Variants in PTPRT observed in about 807,000 individuals in gnomAD.
PTPRT encodes protein tyrosine phosphatase receptor type T, also known as receptor-type tyrosine-protein phosphatase T.
PTPRT carries 56 observed loss-of-function variants against 176.8 expected under a neutral mutation model. That is an observed-to-expected ratio of 0.32 (90% confidence interval 0.26 to 0.40). The LOEUF (loss-of-function observed/expected upper bound fraction) is 0.40. Among genes scored for constraint, PTPRT ranks in the 10% least tolerant of loss-of-function variants. The pLI, the probability that PTPRT is intolerant of heterozygous loss-of-function variation, is 1.00. For missense variants in PTPRT, 1,540 were observed against 1,908.2 expected, an observed-to-expected ratio of 0.81 and a Z score of 3.60; for synonymous variants, 783 against 739.0, an observed-to-expected ratio of 1.06 and a Z score of -0.96.
chr20:42,431,421 A>G (rs1387670419), intron 9 of PTPRT, among the ~76,000 whole-genome samples: 1 of 152,230 alleles, frequency 6.6e-6, no homozygotes, highest in African/African-American at 2.4e-5. Flanking sequence ...ATGGACAATT[A>G]TGCCATCATT....
At chr20:42,322,788 A>C (rs1329591271) in intron 11 of PTPRT, among the ~76,000 whole-genome samples, 1 of 152,130 alleles carries the variant, frequency 6.6e-6, no homozygotes, top group African/African-American at 2.4e-5. Flanking sequence ...GAGCTTCTGC[A>C]CAGCAAAAGA....
chr20:42,061,770 C>T, the PTPRT span, among the ~76,000 whole-genome samples: 1 of 152,206 alleles, frequency 6.6e-6, no homozygotes, highest in Non-Finnish European at 1.5e-5. Flanking sequence ...AAATCTCACC[C>T]TGGGATGCTT....
At chr20:42,633,748 T>G (rs2074464426) in intron 7 of PTPRT, among the ~76,000 whole-genome samples, 1 of 120,206 alleles carries the variant, frequency 8.3e-6, no homozygotes, top group Non-Finnish European at 1.6e-5. Flanking sequence ...ATTACACCAC[T>G]GCCCTCCAGC....
chr20:42,829,529 A>G (rs1357376346), intron 2 of PTPRT, among the ~76,000 whole-genome samples: 2 of 152,172 alleles, frequency 1.3e-5, no homozygotes, highest in Admixed American at 1.3e-4. Flanking sequence ...GGAGTTCAAA[A>G]CCAGCCTGAC....
intron 17 of PTPRT, among the ~76,000 whole-genome samples, chr20:42,143,125 C>T (rs1400349822): frequency 1.3e-5 from 2 of 152,048 alleles, no homozygotes; most frequent in Admixed American, 1.3e-4. Flanking sequence ...GGGCATTATT[C>T]TAAGTGTGAT....
At chr20:42,785,852 C>CCCTTCCTT (rs1334394471) in intron 3 of PTPRT, among the ~76,000 whole-genome samples, 1 of 152,172 alleles carries the variant, frequency 6.6e-6, no homozygotes, top group East Asian at 1.9e-4. Context: ...CTCCCTTCCT[C>CCCTTCCTT]CCTTCCTTCC....
At chr20:42,149,551 G>T (rs1989030547) in intron 17 of PTPRT, among the ~76,000 whole-genome samples, 1 of 151,908 alleles carries the variant, frequency 6.6e-6, no homozygotes. Context: ...AGCCTCCTGA[G>T]TAGCTGGGAT....
intron 1 of PTPRT, among the ~76,000 whole-genome samples, chr20:43,083,351 T>TATATATACAC (rs2011510773): frequency 6.1e-5 from 7 of 114,318 alleles, no homozygotes; most frequent in Non-Finnish European, 1.1e-4. Flanking sequence ...TATATATATA[T>TATATATACAC]ATATATATAT....
rs546809829 is a variant in PTPRT at position 42,492,895 on chromosome 20, A to G, written c.1154-20333T>C. On this transcript the variant is annotated intron_variant, in intron 7 of 30. Coordinates refer to ENST00000373187, the MANE Select transcript of PTPRT (RefSeq NM_007050.6). ...GAGTTCTATATATTAAAATTATTTA[A>G]CACTAATTTGTCAATATGTTAATAA... Among the ~76,000 whole-genome samples the G allele has an allele frequency of 3.5e-3, 529 of 152,258 alleles. 1 individual carries two copies. Among genetic ancestry groups the G allele is most frequent in the South Asian group, 8.1e-3 (39 of 4,808 alleles).
At chr20:42,929,347 A>G (rs1979685104) in intron 1 of PTPRT, among the ~76,000 whole-genome samples, 1 of 152,266 alleles carries the variant, frequency 6.6e-6, no homozygotes, top group Non-Finnish European at 1.5e-5. Flanking sequence ...TGTTTACAAT[A>G]AAATGTTAAG....
chr20:42,495,155 T>C (rs949933097), intron 7 of PTPRT, among the ~76,000 whole-genome samples: 4 of 152,148 alleles, frequency 2.6e-5, no homozygotes, highest in Admixed American at 6.6e-5. Context: ...TCCCCACTTA[T>C]AGATGAAAAC....
intron 14 of PTPRT, among the ~76,000 whole-genome samples, chr20:42,247,695 A>G (rs1192321500): frequency 2.0e-5 from 3 of 152,128 alleles, no homozygotes; most frequent in Admixed American, 6.5e-5. Flanking sequence ...ATGTGGATAA[A>G]TGTTTTGTTT....
chr20:43,107,060 G>A (rs905107333), intron 1 of PTPRT, among the ~76,000 whole-genome samples: 1 of 152,228 alleles, frequency 6.6e-6, no homozygotes, highest in South Asian at 2.1e-4. Flanking sequence ...AAAGTGCTGG[G>A]ATTACAGGTG....
At chr20:42,717,886 T>TGC (rs1405645815) in intron 6 of PTPRT, among the ~76,000 whole-genome samples, 1 of 152,140 alleles carries the variant, frequency 6.6e-6, no homozygotes, top group East Asian at 1.9e-4. Flanking sequence ...TGTGTGTGTG[T>TGC]GCATGCGCGT....
intron 15 of PTPRT, among the ~76,000 whole-genome samples, chr20:42,217,217 A>G (rs191872928): frequency 6.6e-6 from 1 of 152,018 alleles, no homozygotes; most frequent in Non-Finnish European, 1.5e-5. Flanking sequence ...CTACTAAAAT[A>G]CAAAAATTAG....
intron 1 of PTPRT, among the ~76,000 whole-genome samples, chr20:42,945,703 G>T (rs536279721): frequency 6.6e-6 from 1 of 152,238 alleles, no homozygotes; most frequent in Admixed American, 6.5e-5. Flanking sequence ...TGTCCACTGG[G>T]GTGCTTCGCT....
At chr20:42,950,368 C>G (rs1434943728) in intron 1 of PTPRT, among the ~76,000 whole-genome samples, 3 of 152,220 alleles carry the variant, frequency 2.0e-5, no homozygotes, top group African/African-American at 7.2e-5. Flanking sequence ...CTCTTTCACG[C>G]TTTATTTTTG....
At chr20:42,135,059 C>A (rs1988307582) in intron 18 of PTPRT, among the ~76,000 whole-genome samples, 4 of 152,198 alleles carry the variant, frequency 2.6e-5, no homozygotes, top group African/African-American at 9.7e-5. Context: ...CATAGCTGAC[C>A]CCTCACCACA....
chr20:42,918,338 G>C (rs1978916857), intron 1 of PTPRT, among the ~76,000 whole-genome samples: 1 of 152,170 alleles, frequency 6.6e-6, no homozygotes, highest in Non-Finnish European at 1.5e-5. Flanking sequence ...TCCCTGTACA[G>C]CTTAGATAAG....
Sources: allele counts gnomAD v4.1 joint callset (sites outside exome capture counted in the v4.1 genomes callset), GRCh38; gene constraint gnomAD v4.1.1; transcripts MANE v1.5; gene names NCBI Gene and HGNC (gene_info 2026-07-23, HGNC 2026-07-21).